Variants in TTC6 observed in about 807,000 individuals in gnomAD.
TTC6 encodes the protein tetratricopeptide repeat protein 6.
A neutral mutation model predicts 210.4 loss-of-function variants in TTC6; 172 were observed. The ratio of observed to expected loss-of-function variants is 0.82; its 90% CI spans 0.72 to 0.93. The LOEUF (loss-of-function observed/expected upper bound fraction) is 0.93, where lower values mean the gene tolerates loss of function less well. TTC6 is among the 40% of genes least tolerant of loss of function. TTC6 has a pLI of 0.00. For synonymous variants in TTC6, 804 were observed against 819.6 expected (o/e 0.98, Z 0.32); for missense variants, 2,414 against 2,318.1 (o/e 1.04, Z -0.85).
intron 12 of TTC6, 148 bp from the exon 15 acceptor site, chr14:37,750,905 A>G (rs1035540847): frequency 2.2e-6 from 1 of 464,390 alleles, no homozygotes; most frequent in Admixed American, 4.1e-5. Context: ...ATAAAATAAA[A>G]TAGAATAAAA....
At chr14:37,756,295 C>G (rs2095967476) in intron 14 of TTC6, among the ~76,000 whole-genome samples, 2 of 152,292 alleles carry the variant, frequency 1.3e-5, no homozygotes, top group South Asian at 2.1e-4. Flanking sequence ...CGTCTGCAAA[C>G]AGAGATAATT....
At chr14:37,638,142 A>T (rs1004419676) in intron 1 of TTC6, among the ~76,000 whole-genome samples, 2 of 152,242 alleles carry the variant, frequency 1.3e-5, no homozygotes, top group African/African-American at 4.8e-5. Context: ...TGAAGTATTG[A>T]TACCTGCAAC....
At chr14:37,809,088 A>G (rs1042199060) in intron 24 of TTC6, among the ~76,000 whole-genome samples, 16 of 152,190 alleles carry the variant, frequency 1.1e-4, no homozygotes, top group Non-Finnish European at 4.4e-5. Flanking sequence ...AAGAATATTT[A>G]ATTTCTTTGT....
intron 1 of TTC6, among the ~76,000 whole-genome samples, chr14:37,678,936 A>G (rs558907796): frequency 3.9e-5 from 6 of 152,266 alleles, no homozygotes; most frequent in African/African-American, 1.4e-4. Flanking sequence ...AATTTCATGT[A>G]GGCCAGGCAC....
At chr14:37,714,888 T>C in intron 6 of TTC6, 92 bp downstream of exon 8, 1 of 1,252,202 alleles carries the variant, frequency 8.0e-7, no homozygotes, top group East Asian at 2.5e-5. Context: ...TAAAAATTAT[T>C]GAGGGCTGGC....
Position 37,840,476 on chromosome 14 carries a change from C to T in TTC6, c.5299-969C>T, listed in dbSNP as rs1055728694. On this transcript the variant is annotated intron_variant, in intron 29 of 30. Transcript: ENST00000553443. ...CTCAATAGAAAGAGAGGGAATCCTC[C>T]CTAACTCATTTTATGAGGCCAGCAT... Among the ~76,000 whole-genome samples the T allele has an allele frequency of 4.6e-5, 7 of 152,144 alleles. No individual in the cohort carries two copies. The South Asian group carries it at 1.4e-3, about 32-fold the overall frequency.
chr14:37,606,887 A>G (rs2095626160), intron 2 of TTC6, 145 bp downstream of exon 2: 1 of 515,644 alleles, frequency 1.9e-6, no homozygotes. Context: ...AAGGCTGCCT[A>G]TGGGTCTAGC....
intron 1 of TTC6, among the ~76,000 whole-genome samples, chr14:37,596,608 T>G (rs10145379): frequency 0.56 from 85,643 of 152,166 alleles, 24,880 homozygotes; most frequent in East Asian, 0.86. Flanking sequence ...GCGTGTGTTT[T>G]GAGTGTGTGA....
chr14:37,672,821 A>ATTTTTTTTTTTTTTTTTT (rs377117749), intron 1 of TTC6, among the ~76,000 whole-genome samples: 24 of 128,992 alleles, frequency 1.9e-4, no homozygotes, highest in African/African-American at 6.5e-4. Flanking sequence ...TGAATTCCTC[A>ATTTTTTTTTTTTTTTTTT]TTTTTTTTTT....
At chr14:37,647,421 G>T (rs1011774282) in intron 1 of TTC6, among the ~76,000 whole-genome samples, 1 of 152,196 alleles carries the variant, frequency 6.6e-6, no homozygotes, top group African/African-American at 2.4e-5. Flanking sequence ...GTCACATTCA[G>T]CATCTACTTT....
chr14:37,809,048 T>A (rs377521652), intron 24 of TTC6, among the ~76,000 whole-genome samples: 41 of 152,276 alleles, frequency 2.7e-4, no homozygotes, highest in East Asian at 2.1e-3. Flanking sequence ...TACACACATA[T>A]AAAACTTAAG....
chr14:37,791,250 A>AGCCT (rs2096078558), intron 16 of TTC6, among the ~76,000 whole-genome samples: 1 of 152,172 alleles, frequency 6.6e-6, no homozygotes, highest in Non-Finnish European at 1.5e-5. Context: ...AATGGAAGGC[A>AGCCT]GCCTTCTATT....
chr14:37,689,335 A>G (rs2095799443), intron 3 of TTC6, among the ~76,000 whole-genome samples: 4 of 152,158 alleles, frequency 2.6e-5, no homozygotes, highest in African/African-American at 9.7e-5. Context: ...ATAATCTCAA[A>G]AGGGCAAATC....
chr14:37,622,601 C>T, exon 1 of TTC6: 2 of 1,534,552 alleles, frequency 1.3e-6, no homozygotes, highest in African/African-American at 1.4e-5. Context: ...GGCGGGTCTT[C>T]CACTTGGGAA....
chr14:37,675,777 G>A (rs2095767885), intron 1 of TTC6, among the ~76,000 whole-genome samples: 1 of 150,064 alleles, frequency 6.7e-6, no homozygotes, highest in African/African-American at 2.5e-5. Context: ...AGCCATCCTA[G>A]TGAGTATAAA....
At chr14:37,788,266 A>C (rs1372471917) in intron 15 of TTC6, among the ~76,000 whole-genome samples, 1 of 152,164 alleles carries the variant, frequency 6.6e-6, no homozygotes. Context: ...CTCAGTAAAC[A>C]GCCTCCAACA....
chr14:37,616,497 A>T (rs1445922465), intron 2 of TTC6, among the ~76,000 whole-genome samples: 4 of 152,166 alleles, frequency 2.6e-5, no homozygotes, highest in Non-Finnish European at 5.9e-5. Flanking sequence ...AAATTTCTCC[A>T]GACTTTATAT....
intron 1 of TTC6, among the ~76,000 whole-genome samples, chr14:37,596,894 G>A (rs2095605686): frequency 6.6e-6 from 1 of 152,020 alleles, no homozygotes; most frequent in Admixed American, 6.6e-5. Context: ...AATCTGGCAA[G>A]AGAATCACTT....
intron 11 of TTC6, 62 bp downstream of exon 13, chr14:37,749,463 T>C: frequency 7.4e-7 from 1 of 1,358,656 alleles, no homozygotes. Context: ...AATTGTATAG[T>C]AATTTTTGCT....
Sources: allele counts gnomAD v4.1 joint callset (sites outside exome capture counted in the v4.1 genomes callset), GRCh38; gene constraint gnomAD v4.1.1; transcripts MANE v1.5; gene names NCBI Gene and HGNC (gene_info 2026-07-23, HGNC 2026-07-21).